DMD: variants seen among roughly 807,000 people sequenced by gnomAD.
DMD encodes mutant dystrophin.
Under a neutral mutation model 330.1 loss-of-function variants are expected in DMD, and 63 were observed. That is an observed-to-expected ratio of 0.19 (90% CI 0.16 to 0.24). The LOEUF is 0.24. Among genes scored for constraint, DMD ranks in the 10% least tolerant of loss-of-function variants. DMD has a pLI of 1.00. For missense variants in DMD, 3,344 were observed against 2,684.1 expected, an observed-to-expected ratio of 1.25 and a Z score of -5.43; for synonymous variants, 1,223 against 959.8, an observed-to-expected ratio of 1.27 and a Z score of -5.07.
At chrX:33,152,372 C>T (rs2048319993) in intron 1 of DMD, among the ~76,000 whole-genome samples, 1 of 108,681 alleles carries the variant, frequency 9.2e-6, no homozygotes, top group South Asian at 4.2e-4. Flanking sequence ...AGGGGTTTCA[C>T]CTTGTTGGCC....
At chrX:31,529,185 G>A (rs1180719579) in intron 55 of DMD, among the ~76,000 whole-genome samples, 10 of 105,865 alleles carry the variant, frequency 9.4e-5, no homozygotes, top group Non-Finnish European at 1.9e-4. Context: ...TCGCACCACT[G>A]CACTGCAGCT....
intron 43 of DMD, among the ~76,000 whole-genome samples, chrX:32,240,810 C>A (rs1471455786): frequency 1.8e-5 from 2 of 111,628 alleles, no homozygotes; most frequent in Non-Finnish European, 3.8e-5. Flanking sequence ...ACCACTCACT[C>A]ACGTCTGCTG....
chrX:31,837,767 C>G (rs747517614), intron 48 of DMD, among the ~76,000 whole-genome samples: 2 of 111,839 alleles, frequency 1.8e-5, no homozygotes, highest in East Asian at 5.7e-4. Flanking sequence ...TGTACCTGTT[C>G]CCTCTCAGTT....
intron 47 of DMD, among the ~76,000 whole-genome samples, chrX:31,877,051 G>T (rs2093978666): frequency 8.9e-6 from 1 of 111,771 alleles, no homozygotes; most frequent in South Asian, 3.7e-4. Flanking sequence ...AGTCACTAAT[G>T]AACAGTACAT....
intron 1 of DMD, among the ~76,000 whole-genome samples, chrX:33,294,496 T>A (rs1381215794): frequency 9.0e-6 from 1 of 111,590 alleles, no homozygotes. Context: ...GTAGATTGAT[T>A]TAGTTTTAAT....
intron 42 of DMD, among the ~76,000 whole-genome samples, chrX:32,292,318 T>TTTTTTTTTTTTTTTTTTTTTTTTG (rs2097475451): frequency 1.0e-5 from 1 of 95,460 alleles, no homozygotes; most frequent in Non-Finnish European, 2.1e-5. Flanking sequence ...TTTTTTTTTT[T>TTTTTTTTTTTTTTTTTTTTTTTTG]GAGATGGAGT....
At chrX:32,686,507 C>G (rs1290371965) in intron 9 of DMD, among the ~76,000 whole-genome samples, 4 of 86,573 alleles carry the variant, frequency 4.6e-5, no homozygotes. Context: ...TGCATTGAGC[C>G]AAGATCGTGC....
intron 64 of DMD, among the ~76,000 whole-genome samples, chrX:31,214,668 G>C (rs2045140522): frequency 9.0e-6 from 1 of 111,215 alleles, no homozygotes; most frequent in African/African-American, 3.3e-5. Flanking sequence ...AGCAAGGGGA[G>C]AGAGTATCAT....
intron 60 of DMD, among the ~76,000 whole-genome samples, chrX:31,442,828 G>C (rs1351009328): frequency 9.0e-6 from 1 of 111,460 alleles, no homozygotes; most frequent in Non-Finnish European, 1.9e-5. Context: ...GGAGCAAACA[G>C]AGAAAGGCAT....
chrX:31,825,026 G>A (rs1383580564), intron 49 of DMD, among the ~76,000 whole-genome samples: 1 of 111,617 alleles, frequency 9.0e-6, no homozygotes, highest in Non-Finnish European at 1.9e-5. Context: ...TGATTAGTCA[G>A]GAAAACCACC....
chrX:31,688,700 C>T (rs1248585487), intron 52 of DMD, among the ~76,000 whole-genome samples: 1 of 111,415 alleles, frequency 9.0e-6, no homozygotes, highest in Non-Finnish European at 1.9e-5. Context: ...CCCTGATGAA[C>T]ATCGATGCAA....
chrX:32,364,232 G>A (rs756422264), intron 36 of DMD, among the ~76,000 whole-genome samples: 2 of 112,326 alleles, frequency 1.8e-5, no homozygotes, highest in Admixed American at 9.5e-5. Context: ...CTAAATGAAT[G>A]ATAGTGTCAG....
intron 1 of DMD, among the ~76,000 whole-genome samples, chrX:33,283,155 A>G (rs1461544231): frequency 8.9e-6 from 1 of 112,610 alleles, no homozygotes; most frequent in Non-Finnish European, 1.9e-5. Context: ...AAAGCTAAAT[A>G]TACATTTAAT....
rs190215333 is a variant in DMD at position 32,731,894 on chromosome X, G to A, written c.650-32601C>T. On this transcript the variant is annotated intron_variant, in intron 7 of 78. Transcript: ENST00000357033. ...AGGAACACAGTTCCTCACTAGCAAC[G>A]GAACAAAGCTGGAGAGAGGATGACT... Among the ~76,000 whole-genome samples, 363 of 112,269 alleles carry A rather than the reference G, an allele frequency of 3.2e-3. 5 individuals are homozygous for A. The highest frequency in any genetic ancestry group is 0.027 in the Admixed American group (283 of 10,585).
chrX:32,829,616 T>C (rs888333187), intron 4 of DMD, among the ~76,000 whole-genome samples: 26 of 111,970 alleles, frequency 2.3e-4, no homozygotes, highest in Admixed American at 2.1e-3. Context: ...TTTATTTTTG[T>C]TTCTATTTTT....
Position 32,827,065 on chromosome X carries a change from C to CCACACACA in DMD, c.265-3686_265-3679dup, listed in dbSNP as rs1557061628. Among the ~76,000 whole-genome samples the CCACACACA allele has an allele frequency of 2.0e-3, 137 of 68,946 alleles. 1 individual carries two copies. The highest frequency in any genetic ancestry group is 3.8e-3 in the Admixed American group (21 of 5,500). 59.9% of individuals were successfully genotyped at this position (68,946 alleles called of 115,157 possible). On this transcript the variant is annotated intron_variant, in intron 4 of 78. Transcript: ENST00000357033. ...TTGGAACACACATCGCACCCCCCCC[C>CCACACACA]CACACACACACACACACAGCAGCAG...
intron 62 of DMD, among the ~76,000 whole-genome samples, chrX:31,271,547 C>T (rs2051635126): frequency 9.0e-6 from 1 of 111,643 alleles, no homozygotes; most frequent in Non-Finnish European, 1.9e-5. Flanking sequence ...ATGGTTTGAA[C>T]TGGGTACTTG....
intron 47 of DMD, among the ~76,000 whole-genome samples, chrX:31,877,217 A>C (rs1013465487): frequency 1.9e-4 from 21 of 112,254 alleles, no homozygotes; most frequent in African/African-American, 6.5e-4. Flanking sequence ...ATGTTGTGAA[A>C]AATTCATGAG....
rs146519005 is a variant in DMD, at chrX:32,900,061, A to T, written c.94-50241T>A. 2.7e-4 allele frequency among the ~76,000 whole-genome samples: 30 copies of T among 112,418 alleles called. No homozygotes were observed. The East Asian group carries it at 8.1e-3, about 30-fold the overall frequency. ...AAACTTATGTGATTTAACACTAATC[A>T]AAAGCAAATCGGTATTCCTATTTAA... On this transcript the variant is annotated intron_variant, in intron 2 of 78. Coordinates refer to ENST00000357033, the MANE Select transcript of DMD (RefSeq NM_004006.3).
Sources: gnomAD v4.1 joint callset for allele counts (sites outside exome capture counted in the v4.1 genomes callset) on GRCh38, gnomAD v4.1.1 for gene constraint, MANE v1.5 for transcripts, NCBI Gene and HGNC (gene_info 2026-07-23, HGNC 2026-07-21) for gene names.